Variants in DTNA observed in about 807,000 individuals in gnomAD.
DTNA encodes the protein dystrophin-related protein 3.
A neutral mutation model predicts 100.7 loss-of-function variants in DTNA; 43 were observed. The observed-to-expected ratio is 0.43, with a 90% CI of 0.33 to 0.55. The LOEUF (loss-of-function observed/expected upper bound fraction) is 0.55. Ranked by LOEUF, DTNA falls within the 20% of genes least tolerant of loss-of-function variation. DTNA has a pLI of 0.04. For missense variants in DTNA, 798 were observed against 953.9 expected (o/e 0.84, Z 2.15); for synonymous variants, 349 against 347.9 (o/e 1.00, Z -0.04).
intron 1 of DTNA, among the ~76,000 whole-genome samples, chr18:34,680,181 AACAC>A (rs201941772): frequency 5.3e-5 from 8 of 151,920 alleles, no homozygotes; most frequent in Non-Finnish European, 5.9e-5. Flanking sequence ...AGTTAAACAC[AACAC>A]ACACACACAC....
chr18:34,889,595 C>T lies in DTNA; in HGVS notation c.*1861C>T. On this transcript the variant is annotated 3_prime_UTR_variant, in exon 23 of 23. Transcript: ENST00000444659. ...AAGTCCTGACATCTTCATGCCCCCT[C>T]TGCAGAGGGCGGCTGTACGATGTTC... is the stretch of plus-strand genomic sequence containing the variant. 1 of 985,496 alleles carries T rather than the reference C, an allele frequency of 1.0e-6. No homozygotes were observed. Among genetic ancestry groups the T allele is most frequent in the South Asian group, 4.7e-5 (1 of 21,282 alleles). 61.0% of individuals were successfully genotyped at this position (985,496 alleles called of 1,614,324 possible). A position where few individuals can be genotyped will look rare whatever the true frequency, so the allele number is the denominator to read the frequency against.
intron 1 of DTNA, among the ~76,000 whole-genome samples, chr18:34,676,234 T>C (rs1304486566): frequency 2.0e-5 from 3 of 152,184 alleles, no homozygotes; most frequent in South Asian, 2.1e-4. Flanking sequence ...CCCATTCTGT[T>C]TTTGTGTCCT....
intron 6 of DTNA, 140 bp from the exon 7 acceptor site, chr18:34,815,769 A>G (rs1358665530): frequency 2.6e-6 from 2 of 778,414 alleles, no homozygotes; most frequent in Non-Finnish European, 4.3e-6. Context: ...TTAATAACAC[A>G]TTTGGCAAGT....
intron 1 of DTNA, among the ~76,000 whole-genome samples, chr18:34,658,297 A>G (rs17556578): frequency 0.06 from 9,161 of 152,272 alleles, 328 homozygotes; most frequent in Non-Finnish European, 0.075. Context: ...ATCTTTCAGT[A>G]GCTGTTTAAA....
At chr18:34,682,168 T>C (rs560531860) in intron 1 of DTNA, among the ~76,000 whole-genome samples, 21 of 152,312 alleles carry the variant, frequency 1.4e-4, no homozygotes, top group Non-Finnish European at 2.2e-4. Context: ...TTCCACTGCC[T>C]GGATGTACCA....
intron 1 of DTNA, among the ~76,000 whole-genome samples, chr18:34,647,459 G>C (rs138583229): frequency 9.9e-5 from 15 of 152,118 alleles, no homozygotes; most frequent in African/African-American, 1.4e-4. Context: ...GAAGTACCTC[G>C]TATCACCTTT....
intron 18 of DTNA, among the ~76,000 whole-genome samples, 156 bp from the exon 19 acceptor site, chr18:34,877,563 T>C (rs2096830668): frequency 6.6e-6 from 1 of 152,236 alleles, no homozygotes; most frequent in Non-Finnish European, 1.5e-5. Flanking sequence ...GTTGTTGTTG[T>C]TCTTGTTTCA....
intron 1 of DTNA, among the ~76,000 whole-genome samples, chr18:34,534,669 G>C (rs1410162343): frequency 6.6e-6 from 1 of 151,850 alleles, no homozygotes; most frequent in African/African-American, 2.4e-5. Context: ...ACAGGCTCTG[G>C]TGCGTGATGT....
intron 3 of DTNA, among the ~76,000 whole-genome samples, chr18:34,788,421 C>A (rs1046261216): frequency 3.3e-5 from 5 of 151,920 alleles, no homozygotes; most frequent in African/African-American, 1.2e-4. Context: ...TCATTTGACC[C>A]CCCCAAAACA....
chr18:34,513,326 A>G (rs2041275575), intron 1 of DTNA, among the ~76,000 whole-genome samples: 1 of 152,204 alleles, frequency 6.6e-6, no homozygotes, highest in Non-Finnish European at 1.5e-5. Flanking sequence ...TGCAAAACTA[A>G]ATAGTTATGG....
chr18:34,756,380 T>C (rs1475924012), intron 2 of DTNA, among the ~76,000 whole-genome samples: 1 of 152,220 alleles, frequency 6.6e-6, no homozygotes, highest in East Asian at 1.9e-4. Context: ...TTAAAGTCTG[T>C]GTTCATCACC....
At chr18:34,651,877 A>C (rs1304142487) in intron 1 of DTNA, among the ~76,000 whole-genome samples, 3 of 152,080 alleles carry the variant, frequency 2.0e-5, no homozygotes, top group Non-Finnish European at 4.4e-5. Context: ...CAGCCTGAGG[A>C]ACACAGAGAG....
chr18:34,610,312 C>T (rs564921853), intron 1 of DTNA, among the ~76,000 whole-genome samples: 1 of 152,104 alleles, frequency 6.6e-6, no homozygotes, highest in Non-Finnish European at 1.5e-5. Flanking sequence ...TGGTGTTTCT[C>T]TCATGGAAAT....
At chr18:34,699,855 C>T (rs956452976) in intron 1 of DTNA, among the ~76,000 whole-genome samples, 12 of 149,918 alleles carry the variant, frequency 8.0e-5, no homozygotes, top group Non-Finnish European at 1.2e-4. Flanking sequence ...AAAAGCAAAG[C>T]AAAACAAAAC....
Position 34,710,706 on chromosome 18 carries a change from CAAAG to C in DTNA, c.-2+269_-2+272del, listed in dbSNP as rs1014878896. Reference sequence around the variant, plus strand: ...TGTGTGTGTGTGTGTGTGTGTAAGTCAAAGAAAGAAAACTGCAAAGGAAGTAATA... The same window carrying C: ...TGTGTGTGTGTGTGTGTGTGTAAGTCAAAGAAAACTGCAAAGGAAGTAATA... On this transcript the variant is annotated intron_variant, in intron 1 of 22. Coordinates refer to ENST00000444659, the MANE Select transcript of DTNA (RefSeq NM_001386795.1). 3.4e-4 allele frequency among the ~76,000 whole-genome samples: 50 copies of C among 148,898 alleles called. 1 individual carries two copies. The highest frequency in any genetic ancestry group is 1.2e-3 in the African/African-American group (46 of 39,992).
At chr18:34,752,953 T>C (rs1568410892) in intron 1 of DTNA, among the ~76,000 whole-genome samples, 2 of 152,254 alleles carry the variant, frequency 1.3e-5, no homozygotes, top group Non-Finnish European at 2.9e-5. Context: ...AATTAATCTC[T>C]GAAACTAGTA....
At chr18:34,546,880 T>G (rs1481513623) in intron 1 of DTNA, among the ~76,000 whole-genome samples, 2 of 151,976 alleles carry the variant, frequency 1.3e-5, no homozygotes, top group Non-Finnish European at 1.5e-5. Context: ...TGGCTAATTT[T>G]TGTACTTTTT....
Position 34,829,394 on chromosome 18 carries a change from C to A in DTNA, c.1086-6C>A. ...TTAATGAGGTCTCATTGTTTGACTC[C>A]CTCAGGTTACCTGAGGGAATAAGTG... On this transcript the variant is annotated splice_region_variant and splice_polypyrimidine_tract_variant and intron_variant, in intron 10 of 22. Coordinates refer to ENST00000444659, the MANE Select transcript of DTNA (RefSeq NM_001386795.1). 3 of 1,535,124 alleles carry A rather than the reference C, an allele frequency of 2.0e-6. No homozygotes were observed. The highest frequency in any genetic ancestry group is 2.6e-6 in the Non-Finnish European group (3 of 1,146,618).
At chr18:34,798,235 A>G (rs1362640911) in intron 4 of DTNA, among the ~76,000 whole-genome samples, 2 of 152,172 alleles carry the variant, frequency 1.3e-5, no homozygotes, top group East Asian at 3.9e-4. Flanking sequence ...CCTGGGCTCA[A>G]GCAATCCACC....
Sources: allele counts gnomAD v4.1 joint callset (sites outside exome capture counted in the v4.1 genomes callset), GRCh38; gene constraint gnomAD v4.1.1; transcripts MANE v1.5; gene names NCBI Gene and HGNC (gene_info 2026-07-23, HGNC 2026-07-21).